LPP: variants seen among roughly 807,000 people sequenced by gnomAD.
The protein encoded by LPP is lipoma-preferred partner.
LPP carries 38 observed loss-of-function variants against 60.4 expected under a neutral mutation model. The observed-to-expected ratio is 0.63, with a 90% CI of 0.49 to 0.83. The LOEUF is 0.83. Ranked by LOEUF, LPP falls within the 40% of genes least tolerant of loss-of-function variation. LPP has a pLI of 0.00. For synonymous variants in LPP, 328 were observed against 290.8 expected, an observed-to-expected ratio of 1.13 and a Z score of -1.30; for missense variants, 902 against 783.6, an observed-to-expected ratio of 1.15 and a Z score of -1.80.
At chr3:188,768,529 C>T (rs1734852191) in intron 9 of LPP, among the ~76,000 whole-genome samples, 1 of 152,060 alleles carries the variant, frequency 6.6e-6, no homozygotes, top group Non-Finnish European at 1.5e-5. Flanking sequence ...TAGTAATCTC[C>T]ATAGATGCTT....
At chr3:188,772,785 G>A (rs1736494223) in intron 9 of LPP, among the ~76,000 whole-genome samples, 1 of 152,008 alleles carries the variant, frequency 6.6e-6, no homozygotes, top group African/African-American at 2.4e-5. Context: ...CATAATAGGT[G>A]AACCTATTGC....
intron 2 of LPP, among the ~76,000 whole-genome samples, chr3:188,291,829 A>G (rs563521912): frequency 6.6e-6 from 1 of 152,180 alleles, no homozygotes; most frequent in South Asian, 2.1e-4. Context: ...TGTGGTTCAG[A>G]GAAGTGAAAT....
At chr3:188,203,992 C>T (rs1732436319) in intron 1 of LPP, among the ~76,000 whole-genome samples, 1 of 152,062 alleles carries the variant, frequency 6.6e-6, no homozygotes, top group African/African-American at 2.4e-5. Flanking sequence ...TCCTTTTTAT[C>T]TTGATGTGGA....
intron 7 of LPP, among the ~76,000 whole-genome samples, chr3:188,706,787 C>T (rs965165609): frequency 2.6e-5 from 4 of 152,136 alleles, no homozygotes; most frequent in Non-Finnish European, 5.9e-5. Context: ...GAAAAGAGAA[C>T]CTTTTGGCCA....
chr3:188,500,686 A>AT (rs1196688138), intron 5 of LPP, among the ~76,000 whole-genome samples: 1 of 152,062 alleles, frequency 6.6e-6, no homozygotes, highest in Non-Finnish European at 1.5e-5. Flanking sequence ...ATGGTTCCAG[A>AT]TTTTTTCTTA....
In LPP at chr3:188,877,947, C is replaced by T. The variant is rs1769442614; in HGVS notation, c.*3468C>T. The T allele has an allele frequency of 4.7e-6, 1 of 214,420 alleles. No individual in the cohort carries two copies. The highest frequency in any genetic ancestry group is 1.9e-4 in the South Asian group (1 of 5,404). 13.3% of individuals were successfully genotyped at this position (214,420 alleles called of 1,614,324 possible). The stretch of plus-strand genomic sequence containing the variant: ...CTGATTAAGGGGGTGGACTTATCAA[C>T]ACTATAATTGTTCCCTATGAAAGAT... On this transcript the variant is annotated 3_prime_UTR_variant, in exon 12 of 12. Coordinates refer to ENST00000617246, the MANE Select transcript of LPP (RefSeq NM_001375462.1).
intron 4 of LPP, among the ~76,000 whole-genome samples, chr3:188,433,629 G>GA: frequency 8.8e-6 from 1 of 113,184 alleles, no homozygotes; most frequent in Admixed American, 8.9e-5. Flanking sequence ...AGAGAGAGAG[G>GA]AGAAAGGAGA....
intron 9 of LPP, among the ~76,000 whole-genome samples, chr3:188,850,807 C>G (rs746411022): frequency 2.6e-5 from 4 of 152,070 alleles, no homozygotes; most frequent in Admixed American, 1.3e-4. Flanking sequence ...CTGGGCGCCA[C>G]ATGATGAAGG....
At chr3:188,470,408 A>T (rs1801565367) in intron 4 of LPP, among the ~76,000 whole-genome samples, 1 of 151,746 alleles carries the variant, frequency 6.6e-6, no homozygotes, top group Non-Finnish European at 1.5e-5. Context: ...ATTGGGCTAG[A>T]ATTTATGGGT....
intron 1 of LPP, among the ~76,000 whole-genome samples, chr3:188,204,609 T>C (rs780338124): frequency 1.3e-5 from 2 of 152,190 alleles, no homozygotes; most frequent in Non-Finnish European, 2.9e-5. Flanking sequence ...TCATACAATA[T>C]CTTAGTGAGG....
intron 6 of LPP, among the ~76,000 whole-genome samples, chr3:188,553,455 G>T (rs769487478): frequency 2.0e-5 from 3 of 152,164 alleles, no homozygotes; most frequent in African/African-American, 7.2e-5. Flanking sequence ...CATTGAGCTC[G>T]TGCATGTTGG....
intron 2 of LPP, among the ~76,000 whole-genome samples, chr3:188,301,444 G>A (rs1440685976): frequency 6.6e-6 from 1 of 152,176 alleles, no homozygotes; most frequent in Non-Finnish European, 1.5e-5. Flanking sequence ...TAATCAGGAT[G>A]TTCTTAGTAT....
intron 5 of LPP, among the ~76,000 whole-genome samples, chr3:188,493,090 G>A (rs1272278186): frequency 2.0e-5 from 3 of 151,994 alleles, no homozygotes; most frequent in Non-Finnish European, 1.5e-5. Context: ...ACTTCATTAA[G>A]TAATTTTATG....
chr3:188,748,846 G>T (rs1470491755), intron 8 of LPP, among the ~76,000 whole-genome samples: 1 of 152,106 alleles, frequency 6.6e-6, no homozygotes, highest in Non-Finnish European at 1.5e-5. Flanking sequence ...TCTGTTAAAT[G>T]AATGTTCTAG....
At chr3:188,516,208 TGA>T (rs1336850470) in intron 5 of LPP, among the ~76,000 whole-genome samples, 1 of 152,198 alleles carries the variant, frequency 6.6e-6, no homozygotes, top group Non-Finnish European at 1.5e-5. Context: ...TTCAACTGAA[TGA>T]CTGGGAAAGA....
chr3:188,378,370 T>G (rs1775838530), intron 3 of LPP, among the ~76,000 whole-genome samples: 1 of 152,310 alleles, frequency 6.6e-6, no homozygotes, highest in East Asian at 1.9e-4. Context: ...TCAAGCTTCC[T>G]GGCCGCTTTG....
At chr3:188,237,334 C>A (rs1435254675) in intron 2 of LPP, among the ~76,000 whole-genome samples, 6 of 152,198 alleles carry the variant, frequency 3.9e-5, no homozygotes, top group African/African-American at 1.2e-4. Context: ...GAATAAATTT[C>A]TTCCAATCTC....
chr3:188,721,591 A>G (rs55884274), intron 8 of LPP, among the ~76,000 whole-genome samples: 34,018 of 152,164 alleles, frequency 0.22, 4,794 homozygotes, highest in Middle Eastern at 0.46. Context: ...AGTTCATTTC[A>G]TGCACCAGCT....
chr3:188,209,043 T>A (rs1402131009), intron 1 of LPP, among the ~76,000 whole-genome samples: 2 of 152,198 alleles, frequency 1.3e-5, no homozygotes, highest in East Asian at 3.8e-4. Context: ...AGAGCGCCTA[T>A]TTTAATCTCC....
Sources: gnomAD v4.1 joint callset for allele counts (sites outside exome capture counted in the v4.1 genomes callset) on GRCh38, gnomAD v4.1.1 for gene constraint, MANE v1.5 for transcripts, NCBI Gene and HGNC (gene_info 2026-07-23, HGNC 2026-07-21) for gene names.